ZC3H13: variants seen among roughly 807,000 people sequenced by gnomAD.
The protein encoded by ZC3H13 is zinc finger CCCH-type containing 13.
ZC3H13 carries 64 observed loss-of-function variants against 204.1 expected under a neutral mutation model. That is an observed-to-expected ratio of 0.31 (90% confidence interval 0.26 to 0.39). The LOEUF is 0.39. Ranked by LOEUF, ZC3H13 falls within the 10% of genes least tolerant of loss-of-function variation. ZC3H13 has a pLI of 1.00. For missense variants in ZC3H13, 1,833 were observed against 2,082.7 expected (o/e 0.88, Z 2.33); for synonymous variants, 667 against 693.7 (o/e 0.96, Z 0.60).
At chr13:45,965,484 G>T in intron 15 of ZC3H13, 52 bp from the exon 16 acceptor site, 1 of 1,588,144 alleles carries the variant, frequency 6.3e-7, no homozygotes, top group South Asian at 1.1e-5. Flanking sequence ...GGGAGAGGAT[G>T]ACTAAGTCAA....
chr13:45,965,887 C>A (rs1443411929), intron 15 of ZC3H13, among the ~76,000 whole-genome samples: 1 of 152,112 alleles, frequency 6.6e-6, no homozygotes, highest in Admixed American at 6.5e-5. Flanking sequence ...AAGCTTAAAT[C>A]TTAGTTCATA....
rs570694042 is a variant in ZC3H13, at chr13:45,965,322, C to A, written c.4432G>T (p.Ala1478Ser). The A allele has an allele frequency of 6.2e-7, 1 of 1,613,674 alleles. No homozygotes were observed. Among genetic ancestry groups the A allele is most frequent in the African/African-American group, 1.3e-5 (1 of 75,012 alleles). The change falls in exon 16 of 19, where the codon GCA (alanine) becomes TCA (serine). Residue 1478 changes from alanine to serine, a missense_variant. Around this residue, in one of 5 missense-constraint regions of ZC3H13, gnomAD observed 211 missense variants for 228.4 expected, o/e 0.92. Transcript: ENST00000679008. The part of the protein sequence containing the change: ...DELDEILAGD[A>S]EKREDQQDEE... ...TCCTGTTGGTCCTCCCTCTTTTCTGCATCACCTGCCAGAATTTCATCTAGT... is the reference window on the plus strand; with the variant it reads ...TCCTGTTGGTCCTCCCTCTTTTCTGAATCACCTGCCAGAATTTCATCTAGT...
intron 12 of ZC3H13, among the ~76,000 whole-genome samples, chr13:45,971,641 C>A (rs1246596773): frequency 1.3e-5 from 2 of 152,016 alleles, no homozygotes; most frequent in African/African-American, 4.8e-5. Flanking sequence ...GCAAACGCAA[C>A]GAAACCAAAA....
intron 1 of ZC3H13, among the ~76,000 whole-genome samples, chr13:46,048,315 C>A (rs868840231): frequency 1.3e-5 from 2 of 151,982 alleles, no homozygotes; most frequent in African/African-American, 4.8e-5. Context: ...CGGTGGCTCA[C>A]GCCTGTAATC....
chr13:46,003,949 T>C (rs760146128), intron 7 of ZC3H13, among the ~76,000 whole-genome samples: 2 of 152,156 alleles, frequency 1.3e-5, no homozygotes, highest in Non-Finnish European at 2.9e-5. Flanking sequence ...TTCTTGGCTA[T>C]GACACCAAAG....
intron 7 of ZC3H13, among the ~76,000 whole-genome samples, chr13:46,003,639 CTG>C (rs1191324306): frequency 3.3e-5 from 5 of 151,976 alleles, no homozygotes; most frequent in South Asian, 2.1e-4. Context: ...ACTGTTTAAA[CTG>C]TTTTTTTTTA....
intron 1 of ZC3H13, among the ~76,000 whole-genome samples, chr13:46,046,922 T>C (rs1313411011): frequency 6.6e-6 from 1 of 152,136 alleles, no homozygotes; most frequent in Non-Finnish European, 1.5e-5. Flanking sequence ...AAAAACACCA[T>C]ACTATATCCC....
At chr13:46,022,861 A>C (rs1011443695) in intron 4 of ZC3H13, among the ~76,000 whole-genome samples, 3 of 151,914 alleles carry the variant, frequency 2.0e-5, no homozygotes, top group Non-Finnish European at 2.9e-5. Context: ...CTGTAATTAA[A>C]TTTATTTCAA....
At chr13:46,044,517 G>T (rs921776253) in intron 3 of ZC3H13, among the ~76,000 whole-genome samples, 3 of 152,016 alleles carry the variant, frequency 2.0e-5, no homozygotes, top group Non-Finnish European at 4.4e-5. Context: ...TTTGGCAAAT[G>T]CATTTTAACC....
chr13:46,036,631 A>G (rs2043225503), intron 4 of ZC3H13, among the ~76,000 whole-genome samples: 1 of 152,256 alleles, frequency 6.6e-6, no homozygotes, highest in Non-Finnish European at 1.5e-5. Flanking sequence ...AGAAAAAGTT[A>G]TTAAAATAAC....
intron 4 of ZC3H13, among the ~76,000 whole-genome samples, chr13:46,034,157 G>C (rs541589829): frequency 6.6e-6 from 1 of 152,134 alleles, no homozygotes; most frequent in Non-Finnish European, 1.5e-5. Flanking sequence ...ACAATGCCAA[G>C]TGTTGGTAAG....
At position 46,010,736 on chromosome 13, in the gene ZC3H13, CA is replaced by C. The variant is rs1180047573; in HGVS notation, c.589-232del. On this transcript the variant is annotated intron_variant, in intron 6 of 18. Coordinates refer to ENST00000679008, the MANE Select transcript of ZC3H13 (RefSeq NM_001330564.2). ...CATAAAAAAAACCCTATCTCTTATA[CA>C]AAAAAAAAAAAGCCAGGCATGGAAG... 7.9e-3 allele frequency among the ~76,000 whole-genome samples: 1,063 copies of C among 135,214 alleles called. 25 individuals carry two copies. Among genetic ancestry groups the C allele is most frequent in the East Asian group, 0.049 (233 of 4,780 alleles). The allele number at this position is 135,214 out of a possible 152,430, so 88.7% of individuals were successfully genotyped here. A position where few individuals can be genotyped will look rare whatever the true frequency, so the allele number is the denominator to read the frequency against.
intron 10 of ZC3H13, among the ~76,000 whole-genome samples, chr13:45,980,816 G>T (rs1345179773): frequency 6.6e-6 from 1 of 152,190 alleles, no homozygotes; most frequent in Non-Finnish European, 1.5e-5. Context: ...TGTTATAGAT[G>T]AGTATCTTGA....
intron 9 of ZC3H13, among the ~76,000 whole-genome samples, chr13:45,987,236 G>A (rs1247466290): frequency 6.6e-6 from 1 of 152,120 alleles, no homozygotes; most frequent in East Asian, 1.9e-4. Flanking sequence ...CTCCCGTATG[G>A]AAAGTTAAAC....
chr13:45,970,354 C>T lies in ZC3H13; in HGVS notation c.2572+8G>A, dbSNP rs1952482432. On this transcript the variant is annotated splice_region_variant and intron_variant, in intron 13 of 18. Transcript: ENST00000679008. Reference sequence around the variant, plus strand: ...AATATAGAGAGACAGAAAACAGAGTCTGCTTACTTTTATCATCTCCACTGT... The same window carrying T: ...AATATAGAGAGACAGAAAACAGAGTTTGCTTACTTTTATCATCTCCACTGT... The T allele has an allele frequency of 6.2e-7, 1 of 1,612,826 alleles. No homozygotes were observed. Among genetic ancestry groups the T allele is most frequent in the Non-Finnish European group, 8.5e-7 (1 of 1,179,134 alleles).
At chr13:46,038,835 A>G (rs548125243) in intron 4 of ZC3H13, among the ~76,000 whole-genome samples, 1 of 152,142 alleles carries the variant, frequency 6.6e-6, no homozygotes, top group African/African-American at 2.4e-5. Flanking sequence ...AGCCTGCCCA[A>G]CATAGTGAAA....
At chr13:45,977,321 C>G (rs1208860117) in intron 11 of ZC3H13, among the ~76,000 whole-genome samples, 1 of 152,122 alleles carries the variant, frequency 6.6e-6, no homozygotes, top group African/African-American at 2.4e-5. Flanking sequence ...AAATTCAATA[C>G]CATTAACTTA....
chr13:46,010,035 A>G (rs2041436071), intron 7 of ZC3H13: 2 of 179,404 alleles, frequency 1.1e-5, no homozygotes, highest in Non-Finnish European at 2.3e-5. Context: ...CAGAACACAT[A>G]TTAGTTAAAG....
chr13:45,988,771 A>T lies in ZC3H13; in HGVS notation c.1255+16T>A, dbSNP rs768647094. The T allele has an allele frequency of 1.3e-6, 2 of 1,577,320 alleles. No homozygotes were observed. Among genetic ancestry groups the T allele is most frequent in the Non-Finnish European group, 1.7e-6 (2 of 1,160,394 alleles). ...GTTCAATTTTTCAATTAAAAAAATCAAAGTACAGTACACACCTTCCCTCCT... is the reference window on the plus strand; with the variant it reads ...GTTCAATTTTTCAATTAAAAAAATCTAAGTACAGTACACACCTTCCCTCCT... On this transcript the variant is annotated intron_variant, in intron 9 of 18. Transcript: ENST00000679008.
Sources: gnomAD v4.1 joint callset for allele counts (sites outside exome capture counted in the v4.1 genomes callset) on GRCh38, gnomAD v4.1.1 for gene constraint, gnomAD v4.1.1 regional missense constraint, MANE v1.5 for transcripts, NCBI Gene and HGNC (gene_info 2026-07-23, HGNC 2026-07-21) for gene names.